Variants in MYLK4 observed in about 807,000 individuals in gnomAD.
MYLK4 encodes myosin light chain kinase family member 4.
A neutral mutation model predicts 48.1 loss-of-function variants in MYLK4; 46 were observed. The ratio of observed to expected loss-of-function variants is 0.96; its 90% CI spans 0.75 to 1.22. The LOEUF (loss-of-function observed/expected upper bound fraction) is 1.22, where lower values mean the gene tolerates loss of function less well. Ranked by LOEUF, MYLK4 falls within the 50% of genes most tolerant of loss-of-function variation. MYLK4 has a pLI of 0.00. For synonymous variants in MYLK4, 170 were observed against 180.8 expected, an observed-to-expected ratio of 0.94 and a Z score of 0.48; for missense variants, 451 against 486.1, an observed-to-expected ratio of 0.93 and a Z score of 0.68.
chr6:2,766,025 G>A, the MYLK4 span: 3 of 1,320,930 alleles, frequency 2.3e-6, no homozygotes, highest in African/African-American at 4.6e-5. Flanking sequence ...CAGCAGCCCC[G>A]GGAGGAAGGG....
intron 6 of MYLK4, among the ~76,000 whole-genome samples, chr6:2,684,733 CG>C (rs1411948761): frequency 1.3e-5 from 2 of 152,072 alleles, no homozygotes; most frequent in Non-Finnish European, 2.9e-5. Flanking sequence ...TTAAAGTACT[CG>C]GGGGGATAGG....
chr6:2,670,656 T>C (rs1323577745), intron 12 of MYLK4, among the ~76,000 whole-genome samples: 2 of 152,142 alleles, frequency 1.3e-5, no homozygotes, highest in Non-Finnish European at 2.9e-5. Flanking sequence ...CATCTCTCAA[T>C]AATTCCAAAA....
intron 9 of MYLK4, among the ~76,000 whole-genome samples, 182 bp downstream of exon 9, chr6:2,679,098 T>A (rs1761198062): frequency 6.6e-6 from 1 of 152,200 alleles, no homozygotes; most frequent in South Asian, 2.1e-4. Flanking sequence ...CCAAATGATG[T>A]GCAGGGAAAG....
At chr6:2,765,036 G>A in the MYLK4 span, among the ~76,000 whole-genome samples, 2 of 152,096 alleles carry the variant, frequency 1.3e-5, no homozygotes, top group African/African-American at 4.8e-5. Context: ...AGCCCAGCAC[G>A]GAAGGCCGGG....
At chr6:2,770,075 G>T in the MYLK4 span, 1 of 1,610,462 alleles carries the variant, frequency 6.2e-7, no homozygotes. Flanking sequence ...TCTGCAGGTG[G>T]CTGTTGACTG....
At position 2,744,244 on chromosome 6, in the gene MYLK4, G is replaced by A. The variant is rs1200905085; in HGVS notation, c.159+4892C>T. The A allele has an allele frequency of 2.4e-5, 9 of 375,856 alleles. No individual in the cohort carries two copies. In the East Asian group the frequency reaches 3.1e-4, roughly 13 times the overall value. 23.3% of individuals were successfully genotyped at this position (375,856 alleles called of 1,614,324 possible). A position where few individuals can be genotyped will look rare whatever the true frequency, so the allele number is the denominator to read the frequency against. ...TCTGCCTCTTTAAAAGGAAAAATAC[G>A]ATGGCCTTGTGTGACAGATCTGAAA... On this transcript the variant is annotated intron_variant, in intron 2 of 12. Coordinates refer to ENST00000274643, the MANE Select transcript of MYLK4 (RefSeq NM_001012418.5).
At chr6:2,712,779 C>T (rs1238888774) in intron 2 of MYLK4, among the ~76,000 whole-genome samples, 3 of 152,162 alleles carry the variant, frequency 2.0e-5, no homozygotes, top group African/African-American at 7.2e-5. Flanking sequence ...ACTCTCTGCC[C>T]CCACTCAACA....
At chr6:2,766,349 A>G in the MYLK4 span, 2 of 1,610,624 alleles carry the variant, frequency 1.2e-6, no homozygotes, top group South Asian at 2.2e-5. Context: ...CTTCGGGCAG[A>G]GCAAGGCCGT....
intron 4 of MYLK4, among the ~76,000 whole-genome samples, chr6:2,688,443 A>G (rs1048960440): frequency 6.6e-6 from 1 of 152,252 alleles, no homozygotes; most frequent in African/African-American, 2.4e-5. Flanking sequence ...AATTGAAATG[A>G]ATAATAGTAA....
chr6:2,747,948 A>C (rs1764155962), intron 2 of MYLK4, among the ~76,000 whole-genome samples: 1 of 152,190 alleles, frequency 6.6e-6, no homozygotes, highest in Non-Finnish European at 1.5e-5. Flanking sequence ...GAGGTCTCAA[A>C]AAAATGTTTC....
intron 2 of MYLK4, among the ~76,000 whole-genome samples, chr6:2,710,395 C>A (rs1448507255): frequency 6.6e-6 from 1 of 152,192 alleles, no homozygotes; most frequent in African/African-American, 2.4e-5. Flanking sequence ...TTACATTTTT[C>A]TTCTCTGAGT....
chr6:2,735,857 A>G (rs1181314906), intron 2 of MYLK4, among the ~76,000 whole-genome samples: 2 of 152,216 alleles, frequency 1.3e-5, no homozygotes, highest in Non-Finnish European at 1.5e-5. Context: ...AACAGAAATT[A>G]AGGTTTTGGA....
At chr6:2,769,744 T>G in the MYLK4 span, among the ~76,000 whole-genome samples, 4 of 152,178 alleles carry the variant, frequency 2.6e-5, no homozygotes, top group Non-Finnish European at 5.9e-5. Flanking sequence ...TGTTAATGTT[T>G]TTGTGTGTTC....
At chr6:2,703,047 AT>A (rs914998301) in intron 2 of MYLK4, among the ~76,000 whole-genome samples, 6 of 152,022 alleles carry the variant, frequency 3.9e-5, no homozygotes, top group Non-Finnish European at 7.4e-5. Context: ...TAAATAGGGG[AT>A]TTTCTGAGAC....
At chr6:2,698,822 C>T (rs554137665) in intron 2 of MYLK4, among the ~76,000 whole-genome samples, 21 of 152,300 alleles carry the variant, frequency 1.4e-4, no homozygotes, top group African/African-American at 3.8e-4. Context: ...ATGTATGAAG[C>T]GAGAAAACCC....
chr6:2,685,340 G>T lies in MYLK4; in HGVS notation c.501C>A (p.Tyr167Ter), dbSNP rs1336698257. 5 of 1,613,598 alleles carry T rather than the reference G, an allele frequency of 3.1e-6. No homozygotes were observed. The highest frequency in any genetic ancestry group is 4.2e-6 in the Non-Finnish European group (5 of 1,179,770). ...TGTCGTTCTTAGACTCGAAGGCATCGTACAGCTGGATGAGGTTCGCGTGGT... is the reference window on the plus strand; with the variant it reads ...TGTCGTTCTTAGACTCGAAGGCATCTTACAGCTGGATGAGGTTCGCGTGGT... The part of the protein sequence containing the change: ...QLDHANLIQL[Y>*]DAFESKNDIV... The change falls in exon 6 of 13, where the codon TAC (tyrosine) becomes TAA (stop). Residue 167 changes from tyrosine to a stop codon, truncating the protein, a stop_gained. Coordinates refer to ENST00000274643, the MANE Select transcript of MYLK4 (RefSeq NM_001012418.5). LOFTEE classifies it high-confidence loss of function. This position sits in a 1 kb window ranked among gnomAD's most constrained non-coding sequence, Gnocchi z 4.5.
chr6:2,752,844 C>T (rs1032676848), upstream of MYLK4, among the ~76,000 whole-genome samples: 2 of 152,150 alleles, frequency 1.3e-5, no homozygotes, highest in Non-Finnish European at 2.9e-5. Flanking sequence ...ATAATCCATG[C>T]TAAAAGTGAC....
chr6:2,717,688 A>G (rs1762917522), intron 2 of MYLK4, among the ~76,000 whole-genome samples: 1 of 152,148 alleles, frequency 6.6e-6, no homozygotes, highest in Non-Finnish European at 1.5e-5. Context: ...TTTCCCTTTT[A>G]TAGGAGAAAA....
the MYLK4 span, chr6:2,765,904 C>T: frequency 7.6e-6 from 11 of 1,456,162 alleles, no homozygotes; most frequent in African/African-American, 8.8e-5. Context: ...GCAGCGAGGG[C>T]GAGGGTGAGG....
Sources: gnomAD v4.1 joint callset for allele counts (sites outside exome capture counted in the v4.1 genomes callset) on GRCh38, gnomAD v4.1.1 for gene constraint, Gnocchi (gnomAD v3.1) non-coding constraint, MANE v1.5 for transcripts, NCBI Gene and HGNC (gene_info 2026-07-23, HGNC 2026-07-21) for gene names.